Variants in UBXN4 observed in about 807,000 individuals in gnomAD.
UBXN4 encodes the protein UBX domain-containing protein 4.
A neutral mutation model predicts 66.2 loss-of-function variants in UBXN4; 35 were observed. The observed-to-expected ratio is 0.53, with a 90% confidence interval of 0.40 to 0.70. The LOEUF (loss-of-function observed/expected upper bound fraction) is 0.70. Ranked by LOEUF, UBXN4 falls within the 30% of genes least tolerant of loss-of-function variation. UBXN4 has a pLI of 0.00. For missense variants in UBXN4, 533 were observed against 599.8 expected, an observed-to-expected ratio of 0.89 and a Z score of 1.16; for synonymous variants, 203 against 204.5, an observed-to-expected ratio of 0.99 and a Z score of 0.06.
intron 3 of UBXN4, 142 bp from the exon 4 acceptor site, chr2:135,754,017 G>T: frequency 1.6e-6 from 1 of 632,802 alleles, no homozygotes; most frequent in Non-Finnish European, 2.8e-6. Context: ...GTATAATGAT[G>T]CAGTACTTGA....
intron 1 of UBXN4, among the ~76,000 whole-genome samples, chr2:135,743,810 A>T (rs1470601945): frequency 6.6e-6 from 1 of 152,248 alleles, no homozygotes. Context: ...ACTCTAGTAC[A>T]AATTATTGGA....
chr2:135,779,713 G>A (rs915622113), intron 11 of UBXN4, among the ~76,000 whole-genome samples: 12 of 151,236 alleles, frequency 7.9e-5, no homozygotes, highest in Admixed American at 5.3e-4. Flanking sequence ...TTAAAAAATA[G>A]TTGGCTCATT....
In UBXN4 at chr2:135,770,640, G is replaced by A; in HGVS notation, c.727G>A (p.Glu243Lys). 6.4e-7 allele frequency: 1 copy of A among 1,571,196 alleles called. No individual in the cohort carries two copies. The highest frequency in any genetic ancestry group is 2.0e-5 in the Admixed American group (1 of 49,018). Residue 243 changes from glutamate to lysine, a missense_variant, in exon 8 of 13, where the codon GAA (glutamate) becomes AAA (lysine). This residue lies in a region of UBXN4 where 529 missense variants were observed against 580.1 expected (regional missense o/e 0.91). Transcript: ENST00000272638. Reference sequence around the variant, plus strand: ...AATGTTGGATTATAAAAGAAAACAAGAAGAAGAATTAACAAAAAGAATGCT... The same window carrying A: ...AATGTTGGATTATAAAAGAAAACAAAAAGAAGAATTAACAAAAAGAATGCT... The part of the protein sequence containing the change: ...KEMLDYKRKQ[E>K]EELTKRMLEE...
rs763439442 is a variant in UBXN4 at position 135,776,303 on chromosome 2, G to T, written c.1005G>T (p.Gln335His). 14 of 1,613,896 alleles carry T rather than the reference G, an allele frequency of 8.7e-6. No individual in the cohort carries two copies. The highest frequency in any genetic ancestry group is 1.2e-5 in the Non-Finnish European group (14 of 1,179,962). ...CTGATGGTTCTTCCTTTACAAATCA[G>T]TTCCCTTCTGATGCTCCTCTAGAAG... ...RLPDGSSFTN[Q>H]FPSDAPLEEA... Residue 335 changes from glutamine (Q) to histidine (H), a missense_variant, in exon 10 of 13, where the codon CAG becomes CAT. Gln to His is a conservative substitution (Grantham distance 24, BLOSUM62 0). Coordinates refer to ENST00000272638, the MANE Select transcript of UBXN4 (RefSeq NM_014607.4).
rs186389009 is a variant in UBXN4 at position 135,781,059 on chromosome 2, T to C, written c.1388+674T>C. Among the ~76,000 whole-genome samples the C allele has an allele frequency of 5.3e-5, 8 of 152,270 alleles. 1 individual carries two copies. Among genetic ancestry groups the C allele is most frequent in the Admixed American group, 5.2e-4 (8 of 15,300 alleles). The stretch of plus-strand genomic sequence containing the variant: ...GGGCAATATAGTGAGACCTTGTCTG[T>C]ACAAAAACAATTTAAAAATTTGCCA... On this transcript the variant is annotated intron_variant, in intron 12 of 12. Coordinates refer to ENST00000272638, the MANE Select transcript of UBXN4 (RefSeq NM_014607.4).
chr2:135,762,260 G>GT (rs2077320126), intron 6 of UBXN4, among the ~76,000 whole-genome samples: 1 of 152,176 alleles, frequency 6.6e-6, no homozygotes, highest in South Asian at 2.1e-4. Context: ...TCATGACTAT[G>GT]TACTGAGCTT....
chr2:135,763,221 ATTAT>A (rs1477841699), intron 6 of UBXN4, among the ~76,000 whole-genome samples: 1 of 152,188 alleles, frequency 6.6e-6, no homozygotes, highest in Non-Finnish European at 1.5e-5. Flanking sequence ...CACTTAGCTC[ATTAT>A]TTATACCCTA....
At chr2:135,763,941 G>A (rs571113997) in intron 6 of UBXN4, among the ~76,000 whole-genome samples, 3 of 152,072 alleles carry the variant, frequency 2.0e-5, no homozygotes, top group African/African-American at 4.8e-5. Flanking sequence ...CCTGGCCAAC[G>A]TGGCGAAACC....
At chr2:135,770,519 T>C in intron 7 of UBXN4, 52 bp from the exon 8 acceptor site, 1 of 1,243,682 alleles carries the variant, frequency 8.0e-7, no homozygotes, top group Non-Finnish European at 1.1e-6. Context: ...CAAAATAATA[T>C]CTGGGGCAGA....
At chr2:135,759,509 G>C (rs984466914) in intron 5 of UBXN4, among the ~76,000 whole-genome samples, 1 of 152,040 alleles carries the variant, frequency 6.6e-6, no homozygotes. Flanking sequence ...GCATCCCCAT[G>C]GAATTGTGTA....
intron 2 of UBXN4, among the ~76,000 whole-genome samples, chr2:135,752,668 A>G (rs978800844): frequency 1.3e-5 from 2 of 152,212 alleles, no homozygotes; most frequent in South Asian, 2.1e-4. Context: ...GCAGATACCA[A>G]ATTAATTTTT....
intron 9 of UBXN4, 69 bp from the exon 10 acceptor site, chr2:135,776,180 C>G: frequency 4.6e-6 from 6 of 1,315,826 alleles, no homozygotes; most frequent in South Asian, 2.6e-5. Context: ...TCCATTTTCT[C>G]TAACTTAATG....
chr2:135,743,475 G>A (rs998514645), intron 1 of UBXN4, among the ~76,000 whole-genome samples: 1 of 152,106 alleles, frequency 6.6e-6, no homozygotes, highest in Non-Finnish European at 1.5e-5. Flanking sequence ...AATAGAACAG[G>A]TTTAATTATC....
chr2:135,755,835 CAT>C (rs1250759313), intron 5 of UBXN4, 144 bp downstream of exon 5: 194 of 469,894 alleles, frequency 4.1e-4, no homozygotes, highest in African/African-American at 1.4e-3. Flanking sequence ...ATTAAATACA[CAT>C]GTGTCATTTA....
intron 2 of UBXN4, among the ~76,000 whole-genome samples, chr2:135,751,535 G>A (rs1445102689): frequency 6.6e-6 from 1 of 150,666 alleles, no homozygotes; most frequent in Non-Finnish European, 1.5e-5. Flanking sequence ...TGCATATAGT[G>A]ATGGTTCATG....
Position 135,784,814 on chromosome 2 carries a change from C to T in UBXN4, c.*1927C>T, listed in dbSNP as rs552280978. On this transcript the variant is annotated 3_prime_UTR_variant, in exon 13 of 13. Transcript: ENST00000272638. ...GAGAAATGTACATAAAAGAATGCTT[C>T]GTAATTTTGGAGTAGGAGGTTCCCT... 6.6e-6 allele frequency: 1 copy of T among 151,512 alleles called. No individual in the cohort carries two copies. The highest frequency in any genetic ancestry group is 6.6e-5 in the Admixed American group (1 of 15,100). The allele number at this position is 151,512 out of a possible 1,614,324, so 9.4% of individuals were successfully genotyped here.
chr2:135,745,299 G>T (rs2077200540), intron 1 of UBXN4, among the ~76,000 whole-genome samples: 1 of 152,116 alleles, frequency 6.6e-6, no homozygotes. Flanking sequence ...CTTCTGCGTG[G>T]TGAACTCTTC....
chr2:135,756,991 T>C (rs1177950506), intron 5 of UBXN4, among the ~76,000 whole-genome samples: 1 of 152,178 alleles, frequency 6.6e-6, no homozygotes, highest in East Asian at 1.9e-4. Flanking sequence ...TTTCTTTCTT[T>C]CTTTGGTTTT....
At chr2:135,749,871 A>T (rs1032466860) in intron 2 of UBXN4, among the ~76,000 whole-genome samples, 5 of 152,186 alleles carry the variant, frequency 3.3e-5, no homozygotes, top group Non-Finnish European at 7.4e-5. Flanking sequence ...TGGAATTTAT[A>T]TTTTAAAGAC....
Sources: allele counts gnomAD v4.1 joint callset (sites outside exome capture counted in the v4.1 genomes callset), GRCh38; gene constraint gnomAD v4.1.1; regional missense constraint gnomAD v4.1.1; transcripts MANE v1.5; gene names NCBI Gene and HGNC (gene_info 2026-07-23, HGNC 2026-07-21).